REXO1: variants seen among roughly 807,000 people sequenced by gnomAD.
The protein encoded by REXO1 is RNA exonuclease 1 homolog.
REXO1 carries 42 observed loss-of-function variants against 102.6 expected under a neutral mutation model. That is an observed-to-expected ratio of 0.41 (90% CI 0.32 to 0.53). The LOEUF (loss-of-function observed/expected upper bound fraction) is 0.53, where lower values mean the gene tolerates loss of function less well. Ranked by LOEUF, REXO1 falls within the 20% of genes least tolerant of loss-of-function variation. The pLI is 0.27. For synonymous variants in REXO1, 908 were observed against 779.1 expected (o/e 1.17, Z -2.76); for missense variants, 1,819 against 1,732.5 (o/e 1.05, Z -0.89).
At chr19:1,846,249 A>G (rs1013383484) in intron 1 of REXO1, among the ~76,000 whole-genome samples, 1 of 152,192 alleles carries the variant, frequency 6.6e-6, no homozygotes, top group Non-Finnish European at 1.5e-5. Flanking sequence ...GACATGGGAC[A>G]TGCATCCCCC....
At chr19:1,836,968 G>A (rs2070058014) in intron 1 of REXO1, among the ~76,000 whole-genome samples, 1 of 152,150 alleles carries the variant, frequency 6.6e-6, no homozygotes, top group Non-Finnish European at 1.5e-5. Flanking sequence ...AAAAAGATAA[G>A]CCTGACACTG....
chr19:1,831,004 T>C (rs2069886373), intron 1 of REXO1: 1 of 152,674 alleles, frequency 6.5e-6, no homozygotes, highest in South Asian at 2.0e-4. Context: ...GGGCAAGGAA[T>C]GTTGCACACT....
At chr19:1,837,301 C>A (rs921353730) in intron 1 of REXO1, among the ~76,000 whole-genome samples, 1 of 152,206 alleles carries the variant, frequency 6.6e-6, no homozygotes, top group Non-Finnish European at 1.5e-5. Context: ...GGGGCCTCCC[C>A]TCCAACCCTC....
At chr19:1,838,393 CG>C (rs1415154335) in intron 1 of REXO1, among the ~76,000 whole-genome samples, 1 of 149,988 alleles carries the variant, frequency 6.7e-6, no homozygotes, top group Non-Finnish European at 1.5e-5. Flanking sequence ...TCGAAGCGGG[CG>C]GATCACCTGA....
At position 1,827,727 on chromosome 19, in the gene REXO1, G is replaced by C. The variant is rs1488961351; in HGVS notation, c.1062C>G (p.Ala354=). 1 of 1,569,312 alleles carries C rather than the reference G, an allele frequency of 6.4e-7. No homozygotes were observed. Among genetic ancestry groups the C allele is most frequent in the South Asian group, 1.2e-5 (1 of 86,872 alleles). The change falls in exon 2 of 16, where the codon GCC becomes GCG. Residue 354 remains alanine, a synonymous_variant. Coordinates refer to ENST00000170168, the MANE Select transcript of REXO1 (RefSeq NM_020695.4). ...CDVGDLQPPP[A]KPASPAQVQS... is the part of the protein sequence containing the mutation. ...GGACCTGGGCTGGGGAGGCGGGCTT[G>C]GCTGGGGGCGGCTGGAGGTCCCCCA...
chr19:1,815,629 G>T lies in REXO1; in HGVS notation c.*437C>A, dbSNP rs905767197. ...GGAAAGATGCTGTGCAAGTCATCAG[G>T]TTTAAATTAAAAATAATAAAAATAA... On this transcript the variant is annotated 3_prime_UTR_variant, in exon 16 of 16. Coordinates refer to ENST00000170168, the MANE Select transcript of REXO1 (RefSeq NM_020695.4). This position sits in a 1 kb window ranked among gnomAD's most constrained non-coding sequence, Gnocchi z 4.0. 7 of 1,118,450 alleles carry T rather than the reference G, an allele frequency of 6.3e-6. No homozygotes were observed. The highest frequency in any genetic ancestry group is 7.9e-6 in the Non-Finnish European group (7 of 885,152). 69.3% of individuals were successfully genotyped at this position (1,118,450 alleles called of 1,614,324 possible). A position where few individuals can be genotyped will look rare whatever the true frequency, so the allele number is the denominator to read the frequency against.
In REXO1 at chr19:1,848,237, G is replaced by A. The variant is rs1201580912; in HGVS notation, c.122C>T (p.Ala41Val). Reference sequence around the variant, plus strand: ...GGGCGCCTCTCCGCCGTCACCGGGCGCGCCGGAGCCCCGGGCCCCGCGGTG... The same window carrying A: ...GGGCGCCTCTCCGCCGTCACCGGGCACGCCGGAGCCCCGGGCCCCGCGGTG... ...FRHRGARGSG[A>V]PGDGGEAPPA... Residue 41 changes from alanine to valine, a missense_variant, in exon 1 of 16, where the codon GCG becomes GTG. By Grantham distance (64) the Ala-to-Val change is moderately conservative (BLOSUM62 0). Transcript: ENST00000170168. 8.1e-7 allele frequency: 1 copy of A among 1,229,018 alleles called. No individual in the cohort carries two copies. Among genetic ancestry groups the A allele is most frequent in the Non-Finnish European group, 1.0e-6 (1 of 982,476 alleles). 76.1% of individuals were successfully genotyped at this position (1,229,018 alleles called of 1,614,324 possible). A position where few individuals can be genotyped will look rare whatever the true frequency, so the allele number is the denominator to read the frequency against.
intron 1 of REXO1, chr19:1,834,951 C>T: frequency 4.6e-6 from 2 of 437,472 alleles, no homozygotes; most frequent in Non-Finnish European, 9.3e-6. Context: ...CAGCCTGTGA[C>T]CCACTGGTGC....
chr19:1,824,892 TCTC>T (rs917883914), intron 3 of REXO1, among the ~76,000 whole-genome samples: 1 of 151,970 alleles, frequency 6.6e-6, no homozygotes, highest in Non-Finnish European at 1.5e-5. Flanking sequence ...TTCAAGCAAT[TCTC>T]CTGCCTCAGC....
Position 1,827,179 on chromosome 19 carries a change from C to A in REXO1, c.1610G>T (p.Ser537Ile). The A allele has an allele frequency of 6.5e-7, 1 of 1,541,096 alleles. No homozygotes were observed. Among genetic ancestry groups the A allele is most frequent in the Non-Finnish European group, 8.7e-7 (1 of 1,146,626 alleles). The change falls in exon 2 of 16, where the codon AGC becomes ATC. Residue 537 changes from serine to isoleucine, a missense_variant. Coordinates refer to ENST00000170168, the MANE Select transcript of REXO1 (RefSeq NM_020695.4). ...EDEAAGPGVP[S>I]VWPSALPSLS... ...GCTGGGGAGGGCAGAGGGCCACACG[C>A]TCGGCACCCCTGGCCCTGCGGCCTC...
chr19:1,820,077 C>T lies in REXO1; in HGVS notation c.2527-20G>A. 1.3e-6 allele frequency: 2 copies of T among 1,595,312 alleles called. No homozygotes were observed. Among genetic ancestry groups the T allele is most frequent in the Non-Finnish European group, 1.7e-6 (2 of 1,174,730 alleles). The stretch of plus-strand genomic sequence containing the variant: ...CAGTGCCTGGGGGACAGGCGGTGCC[C>T]AGCTGAGGCCATGCCTGCCTGGTGC... On this transcript the variant is annotated intron_variant, in intron 6 of 15. Coordinates refer to ENST00000170168, the MANE Select transcript of REXO1 (RefSeq NM_020695.4).
intron 11 of REXO1, 65 bp downstream of exon 11, chr19:1,817,642 A>G (rs1245896185): frequency 6.5e-7 from 1 of 1,529,708 alleles, no homozygotes; most frequent in Non-Finnish European, 8.9e-7. Context: ...GAGACCCCAC[A>G]CCAACGATGG....
Position 1,815,884 on chromosome 19 carries a change from CGGCAGG to C in REXO1, c.*176_*181del. ...GAGGGTGGGGACCGGCGGAGGGGTG[CGGCAGG>C]ACGTGAGCGGGGGTGGGCTGGGCTG... is the stretch of plus-strand genomic sequence containing the variant. On this transcript the variant is annotated 3_prime_UTR_variant, in exon 16 of 16. Transcript: ENST00000170168. This position sits in a 1 kb window ranked among gnomAD's most constrained non-coding sequence, Gnocchi z 4.0. 2 of 1,408,510 alleles carry C rather than the reference CGGCAGG, an allele frequency of 1.4e-6. No homozygotes were observed. The highest frequency in any genetic ancestry group is 2.5e-5 in the South Asian group (2 of 79,534). The allele number at this position is 1,408,510 out of a possible 1,614,324, so 87.3% of individuals were successfully genotyped here.
At chr19:1,832,418 C>T (rs557401104) in intron 1 of REXO1, among the ~76,000 whole-genome samples, 38 of 152,212 alleles carry the variant, frequency 2.5e-4, no homozygotes, top group Non-Finnish European at 7.3e-5. Flanking sequence ...CCTGTACCTG[C>T]GAAGGCGGAA....
In REXO1 at chr19:1,846,363, G is replaced by A. The variant is rs949335920; in HGVS notation, c.157+1839C>T. Among the ~76,000 whole-genome samples the A allele has an allele frequency of 5.9e-5, 9 of 152,286 alleles. No individual in the cohort carries two copies. In the East Asian group the frequency reaches 1.7e-3, roughly 29 times the overall value. ...ATGGATCCTGCCTTCTGCGGGGGGA[G>A]GCAGTCTTCTACCAGACAGTAACAA... On this transcript the variant is annotated intron_variant, in intron 1 of 15. Coordinates refer to ENST00000170168, the MANE Select transcript of REXO1 (RefSeq NM_020695.4).
Position 1,847,735 on chromosome 19 carries a change from C to A in REXO1, c.157+467G>T, listed in dbSNP as rs542047491. The stretch of plus-strand genomic sequence containing the variant: ...TCCTCGGACCATCCTAACTCAACGA[C>A]TGGAGACTGAGGTGGCCGCTGCCAG... On this transcript the variant is annotated intron_variant, in intron 1 of 15. Coordinates refer to ENST00000170168, the MANE Select transcript of REXO1 (RefSeq NM_020695.4). 4.0e-4 allele frequency among the ~76,000 whole-genome samples: 61 copies of A among 152,348 alleles called. 1 individual carries two copies. The South Asian group carries it at 0.012, about 31-fold the overall frequency.
At chr19:1,837,850 G>A (rs975634862) in intron 1 of REXO1, among the ~76,000 whole-genome samples, 4 of 152,192 alleles carry the variant, frequency 2.6e-5, no homozygotes, top group East Asian at 1.9e-4. Flanking sequence ...CGGCCTGACC[G>A]GGGACCACCA....
At chr19:1,835,698 T>A (rs2070020615) in intron 1 of REXO1, among the ~76,000 whole-genome samples, 1 of 152,100 alleles carries the variant, frequency 6.6e-6, no homozygotes, top group Non-Finnish European at 1.5e-5. Flanking sequence ...GGTCAGTCTG[T>A]TTCTGGGAAA....
rs148769360 is a variant in REXO1, at chr19:1,847,056, G to A, written c.157+1146C>T. On this transcript the variant is annotated intron_variant, in intron 1 of 15. Transcript: ENST00000170168. ...ACGGGATCTGTAGGCACAGCTGTCG[G>A]CAGGTCCCTGAGAGCACAGCCGGCA... 2.9e-3 allele frequency among the ~76,000 whole-genome samples: 441 copies of A among 152,266 alleles called. 2 individuals carry two copies. The highest frequency in any genetic ancestry group is 4.2e-3 in the Non-Finnish European group (283 of 68,020).
Sources: allele counts gnomAD v4.1 joint callset (sites outside exome capture counted in the v4.1 genomes callset), GRCh38; gene constraint gnomAD v4.1.1; non-coding constraint Gnocchi (gnomAD v3.1); transcripts MANE v1.5; gene names NCBI Gene and HGNC (gene_info 2026-07-23, HGNC 2026-07-21).